Variants in DFFB observed in about 807,000 individuals in gnomAD.
DFFB encodes DNA fragmentation factor subunit beta, also known as DNA fragmentation factor 40 kDa subunit.
In DFFB, 29 loss-of-function variants were observed where a neutral mutation model predicts 32.7. The ratio of observed to expected loss-of-function variants is 0.89; its 90% CI spans 0.66 to 1.21. The LOEUF (loss-of-function observed/expected upper bound fraction) is 1.21, where lower values mean the gene tolerates loss of function less well. DFFB is among the 50% of genes most tolerant of loss of function. The pLI, the probability that DFFB is intolerant of heterozygous loss-of-function variation, is 0.00. For synonymous variants in DFFB, 170 were observed against 177.1 expected (o/e 0.96, Z 0.32); for missense variants, 398 against 440.6 (o/e 0.90, Z 0.87).
chr1:3,869,369 C>T (rs768071293), intron 4 of DFFB, among the ~76,000 whole-genome samples: 4 of 152,228 alleles, frequency 2.6e-5, no homozygotes, highest in Admixed American at 2.0e-4. Flanking sequence ...CCTGTTATCT[C>T]ATCTAAGTCT....
At chr1:3,881,902 T>C (rs1645346415) in intron 6 of DFFB, among the ~76,000 whole-genome samples, 1 of 151,492 alleles carries the variant, frequency 6.6e-6, no homozygotes, top group Non-Finnish European at 1.5e-5. Flanking sequence ...TTGCTCAGCA[T>C]TTTGTGGGTT....
chr1:3,873,596 T>C (rs1645162493), intron 6 of DFFB, among the ~76,000 whole-genome samples: 1 of 152,042 alleles, frequency 6.6e-6, no homozygotes, highest in Admixed American at 6.5e-5. Flanking sequence ...TCTCCTACTT[T>C]AGCTTCCCCA....
Position 3,869,590 on chromosome 1 carries a change from C to T in DFFB, c.511-15C>T. On this transcript the variant is annotated splice_polypyrimidine_tract_variant and intron_variant, in intron 4 of 6. Transcript: ENST00000378209. ...GCTGTGCACCAGGCTCACCGACGTT[C>T]CTTGGTTCCTCCAGGTGAGCTCCTA... is the stretch of plus-strand genomic sequence containing the variant. 6.3e-7 allele frequency: 1 copy of T among 1,597,558 alleles called. No homozygotes were observed. Among genetic ancestry groups the T allele is most frequent in the South Asian group, 1.1e-5 (1 of 90,556 alleles).
intron 6 of DFFB, among the ~76,000 whole-genome samples, chr1:3,879,407 C>T (rs1018699928): frequency 5.3e-5 from 8 of 152,118 alleles, no homozygotes; most frequent in African/African-American, 1.4e-4. Context: ...CCCCAAGATT[C>T]GTATGTTGAA....
chr1:3,869,104 G>T (rs1174063487), intron 4 of DFFB, among the ~76,000 whole-genome samples: 3 of 152,084 alleles, frequency 2.0e-5, no homozygotes, highest in Non-Finnish European at 4.4e-5. Context: ...CTGTTGCTCA[G>T]GCTGGAGTAC....
rs924320662 is a variant in DFFB at position 3,860,489 on chromosome 1, A to G, written c.241+1645A>G. The G allele has an allele frequency of 1.4e-5, 6 of 438,554 alleles. No homozygotes were observed. The Admixed American group carries it at 1.4e-4, about 11-fold the overall frequency. The allele number at this position is 438,554 out of a possible 1,614,324, so 27.2% of individuals were successfully genotyped here. On this transcript the variant is annotated intron_variant, in intron 2 of 6. Transcript: ENST00000378209. ...AGCTGTCCTCCTGCCTTGGTCTCCT[A>G]AAGTGCTGGGATTACAGGTATGAGC...
At chr1:3,876,871 C>T (rs1390409230) in intron 6 of DFFB, among the ~76,000 whole-genome samples, 1 of 152,244 alleles carries the variant, frequency 6.6e-6, no homozygotes, top group African/African-American at 2.4e-5. Context: ...TGGGGCTCAG[C>T]CTGTCCGAGG....
intron 6 of DFFB, among the ~76,000 whole-genome samples, chr1:3,874,784 C>T (rs77027679): frequency 0.034 from 5,005 of 145,208 alleles, 308 homozygotes; most frequent in East Asian, 0.13. Flanking sequence ...GTGAATTTAA[C>T]GTCTACATAC....
At chr1:3,867,534 T>G (rs1261371805) in intron 3 of DFFB, 1 of 159,362 alleles carries the variant, frequency 6.3e-6, no homozygotes, top group East Asian at 1.8e-4. Context: ...ATGCTGTCTG[T>G]GTCGCCATTA....
chr1:3,862,414 G>A (rs993676033), intron 2 of DFFB, among the ~76,000 whole-genome samples: 2 of 152,140 alleles, frequency 1.3e-5, no homozygotes, highest in Non-Finnish European at 2.9e-5. Flanking sequence ...TAGCCAAAAC[G>A]ACTGTGAAAA....
intron 1 of DFFB, 106 bp from the exon 2 acceptor site, chr1:3,858,612 C>T (rs1644809753): frequency 1.4e-6 from 2 of 1,414,944 alleles, no homozygotes; most frequent in Admixed American, 2.0e-5. Flanking sequence ...GCAGCCTGAG[C>T]CTGCTTCTTT....
At chr1:3,866,984 C>T (rs1033157496) in intron 3 of DFFB, among the ~76,000 whole-genome samples, 5 of 151,586 alleles carry the variant, frequency 3.3e-5, no homozygotes, top group Non-Finnish European at 7.4e-5. Context: ...CAAGCTCCAC[C>T]TCCCGGGTTC....
rs1246485586 is a variant in DFFB at position 3,865,859 on chromosome 1, G to C, written c.289G>C (p.Val97Leu). The change falls in exon 3 of 7, where the codon GTG (valine) becomes CTG (leucine). Residue 97 changes from valine to leucine, a missense_variant. By Grantham distance (32) the Val-to-Leu change is conservative. Coordinates refer to ENST00000378209, the MANE Select transcript of DFFB (RefSeq NM_004402.4). This position sits in a 1 kb window ranked among gnomAD's most constrained non-coding sequence, Gnocchi z 4.7. ...CCTCAGTGCATTTCACGAGCCACAG[G>C]TGGGGCTCATCCAGGCCGCCCAGCA... The part of the protein sequence containing the change: ...RFLSAFHEPQ[V>L]GLIQAAQQLL... The C allele has an allele frequency of 6.8e-6, 11 of 1,614,052 alleles. No homozygotes were observed. Among genetic ancestry groups the C allele is most frequent in the Non-Finnish European group, 9.3e-6 (11 of 1,180,038 alleles).
Position 3,872,534 on chromosome 1 carries a change from G to A in DFFB, c.744G>A (p.Glu248=). ...RHSINPYSNR[E]SRILFSTWNL... is the part of the protein sequence containing the mutation. ...CCATCAACCCCTACAGTAACAGGGA[G>A]AGCAGGATCCTCTTCAGCACCTGGA... is the stretch of plus-strand genomic sequence containing the variant. The change falls in exon 6 of 7, where the codon GAG becomes GAA. Residue 248 remains glutamate, a synonymous_variant. Coordinates refer to ENST00000378209, the MANE Select transcript of DFFB (RefSeq NM_004402.4). The A allele has an allele frequency of 6.2e-7, 1 of 1,614,154 alleles. No individual in the cohort carries two copies. Among genetic ancestry groups the A allele is most frequent in the Non-Finnish European group, 8.5e-7 (1 of 1,180,036 alleles).
rs1644955096 is a variant in DFFB at position 3,865,315 on chromosome 1, A to G, written c.242-497A>G. ...TGCGTTCCCACTTGGCCGTGGTGAT[A>G]TTTCTTTGTGCATGTTACTGAGTTC... is the stretch of plus-strand genomic sequence containing the variant. On this transcript the variant is annotated intron_variant, in intron 2 of 6. Coordinates refer to ENST00000378209, the MANE Select transcript of DFFB (RefSeq NM_004402.4). This position sits in a 1 kb window ranked among gnomAD's most constrained non-coding sequence, Gnocchi z 4.7. 6.6e-6 allele frequency among the ~76,000 whole-genome samples: 1 copy of G among 151,968 alleles called. No homozygotes were observed. The highest frequency in any genetic ancestry group is 2.4e-5 in the African/African-American group (1 of 41,360).
intron 1 of DFFB, among the ~76,000 whole-genome samples, chr1:3,858,244 G>C (rs966822314): frequency 2.0e-5 from 3 of 152,194 alleles, no homozygotes; most frequent in African/African-American, 7.2e-5. Flanking sequence ...AAACTGACCA[G>C]TGCAGAGTAA....
At chr1:3,869,459 G>A (rs930429269) in intron 4 of DFFB, 146 bp from the exon 5 acceptor site, 21 of 787,798 alleles carry the variant, frequency 2.7e-5, no homozygotes, top group East Asian at 8.1e-5. Context: ...AGCAGTGGCC[G>A]AGAGGCCACG....
chr1:3,863,598 A>G (rs1385970731), intron 2 of DFFB, among the ~76,000 whole-genome samples: 2 of 152,240 alleles, frequency 1.3e-5, no homozygotes, highest in African/African-American at 2.4e-5. Flanking sequence ...GCCAAAAGGT[A>G]GAAACCACCT....
chr1:3,870,853 C>T (rs1645098613), intron 5 of DFFB, among the ~76,000 whole-genome samples: 1 of 152,018 alleles, frequency 6.6e-6, no homozygotes, highest in Admixed American at 6.5e-5. Context: ...GCTGGGGAGG[C>T]TGTGAGTCCC....
Sources: gnomAD v4.1 joint callset for allele counts (sites outside exome capture counted in the v4.1 genomes callset) on GRCh38, gnomAD v4.1.1 for gene constraint, Gnocchi (gnomAD v3.1) non-coding constraint, MANE v1.5 for transcripts, NCBI Gene and HGNC (gene_info 2026-07-23, HGNC 2026-07-21) for gene names.